SLC8A1: variants seen among roughly 807,000 people sequenced by gnomAD.
The protein encoded by SLC8A1 is solute carrier family 8 member A1, also known as sodium/calcium exchanger 1.
SLC8A1 carries 18 observed loss-of-function variants against 68.3 expected under a neutral mutation model. The ratio of observed to expected loss-of-function variants is 0.26; its 90% CI spans 0.18 to 0.39. The LOEUF is 0.39. SLC8A1 is among the 10% of genes least tolerant of loss of function. The pLI is 1.00. For synonymous variants in SLC8A1, 475 were observed against 415.5 expected, an observed-to-expected ratio of 1.14 and a Z score of -1.74; for missense variants, 985 against 1,156.7, an observed-to-expected ratio of 0.85 and a Z score of 2.15.
chr2:40,290,985 C>G (rs965352562), intron 2 of SLC8A1, among the ~76,000 whole-genome samples: 1 of 152,140 alleles, frequency 6.6e-6, no homozygotes, highest in African/African-American at 2.4e-5. Flanking sequence ...GGCAAACTTT[C>G]TAGACATAAA....
At chr2:40,391,650 C>T (rs1685304646) in intron 2 of SLC8A1, among the ~76,000 whole-genome samples, 1 of 152,030 alleles carries the variant, frequency 6.6e-6, no homozygotes. Flanking sequence ...AGAAGAGCCC[C>T]TGGAGCAATC....
At chr2:40,428,990 G>A (rs1291508046) in exon 2 of SLC8A1, 5 of 1,613,636 alleles carry the variant, frequency 3.1e-6, no homozygotes, top group Non-Finnish European at 4.2e-6. Context: ...CCACCTCTGC[G>A]GATAATGGTA....
intron 2 of SLC8A1, among the ~76,000 whole-genome samples, chr2:40,427,092 A>C (rs1697067035): frequency 6.6e-6 from 1 of 152,140 alleles, no homozygotes; most frequent in African/African-American, 2.4e-5. Context: ...ATATTAATCA[A>C]AACACTTTGC....
chr2:40,303,362 G>A (rs934539626), intron 2 of SLC8A1, among the ~76,000 whole-genome samples: 3 of 152,172 alleles, frequency 2.0e-5, no homozygotes, highest in Non-Finnish European at 4.4e-5. Flanking sequence ...GAGTTCTCAG[G>A]GGGCCAGCAC....
exon 8 of SLC8A1, chr2:40,106,239 A>G (rs1271338825): frequency 1.3e-5 from 2 of 152,202 alleles, no homozygotes; most frequent in East Asian, 3.9e-4. Context: ...GTGTCTAGGG[A>G]TTGAGTCAGA....
intron 2 of SLC8A1, among the ~76,000 whole-genome samples, chr2:40,274,964 C>T (rs1287024627): frequency 1.3e-5 from 2 of 152,146 alleles, no homozygotes; most frequent in Non-Finnish European, 2.9e-5. Context: ...CCATTTCCTA[C>T]CAGCAGTAGG....
intron 2 of SLC8A1, among the ~76,000 whole-genome samples, chr2:40,416,438 A>C (rs1462917589): frequency 1.3e-5 from 2 of 152,184 alleles, no homozygotes; most frequent in Non-Finnish European, 2.9e-5. Flanking sequence ...TTACTTTAAA[A>C]AGTAAGGCAT....
rs371893276 is a variant in SLC8A1 at position 40,486,485 on chromosome 2, T to A, written c.-25+25864A>T. On this transcript the variant is annotated intron_variant, in intron 1 of 7. Coordinates refer to the SLC8A1 transcript ENST00000402441. ...GTACCCTGAAACACAATTCTGCCAT[T>A]AGGCAATAAGATATATTCCTCTTTC... Among the ~76,000 whole-genome samples, 13 of 152,310 alleles carry A rather than the reference T, an allele frequency of 8.5e-5. No individual in the cohort carries two copies. In the East Asian group the frequency reaches 1.7e-3, roughly 20 times the overall value.
chr2:40,342,538 C>T (rs1268396159), intron 2 of SLC8A1, among the ~76,000 whole-genome samples: 3 of 152,004 alleles, frequency 2.0e-5, no homozygotes, highest in African/African-American at 4.8e-5. Flanking sequence ...TAGTTAGAAA[C>T]AAAGAGTTTC....
chr2:40,445,276 C>T (rs998763665), intron 1 of SLC8A1, among the ~76,000 whole-genome samples: 1 of 152,136 alleles, frequency 6.6e-6, no homozygotes, highest in African/African-American at 2.4e-5. Context: ...CTGCTGACCT[C>T]AGAGACCTTT....
At chr2:40,102,125 A>T (rs2033929157) in exon 8 of SLC8A1, 1 of 152,190 alleles carries the variant, frequency 6.6e-6, no homozygotes, top group Non-Finnish European at 1.5e-5. Flanking sequence ...TTAGGTTCAG[A>T]AGTTTAATCA....
chr2:40,253,956 G>T (rs1411131549), intron 2 of SLC8A1, among the ~76,000 whole-genome samples: 1 of 143,378 alleles, frequency 7.0e-6, no homozygotes, highest in African/African-American at 2.7e-5. Flanking sequence ...GTGTTTGATA[G>T]CACAACAGGG....
chr2:40,465,761 G>A (rs1005260040), intron 1 of SLC8A1, among the ~76,000 whole-genome samples: 1 of 152,088 alleles, frequency 6.6e-6, no homozygotes, highest in African/African-American at 2.4e-5. Context: ...GTCTGAATGT[G>A]TCCCCTAAAA....
intron 2 of SLC8A1, among the ~76,000 whole-genome samples, chr2:40,417,536 T>C (rs1694239911): frequency 6.6e-6 from 1 of 152,138 alleles, no homozygotes; most frequent in Non-Finnish European, 1.5e-5. Flanking sequence ...TGAGACAAGG[T>C]CTCGCTCTGT....
intron 2 of SLC8A1, among the ~76,000 whole-genome samples, chr2:40,233,309 T>A (rs940941931): frequency 1.1e-4 from 17 of 152,236 alleles, no homozygotes; most frequent in Non-Finnish European, 2.1e-4. Context: ...TGTGAGATGG[T>A]ATCTCATGGT....
At chr2:40,128,577 A>C (rs1397490931) in intron 7 of SLC8A1, among the ~76,000 whole-genome samples, 1 of 152,166 alleles carries the variant, frequency 6.6e-6, no homozygotes, top group Non-Finnish European at 1.5e-5. Flanking sequence ...GGTCACCGAC[A>C]TTTGGCATTT....
intron 2 of SLC8A1, among the ~76,000 whole-genome samples, chr2:40,200,192 T>TAAATATATATATAAA (rs2053920580): frequency 3.1e-4 from 3 of 9,616 alleles, no homozygotes; most frequent in Non-Finnish European, 8.5e-4. Context: ...ATATATATAT[T>TAAATATATATATAAA]TATATATATA....
intron 1 of SLC8A1, among the ~76,000 whole-genome samples, chr2:40,486,201 G>A (rs1704959843): frequency 6.6e-6 from 1 of 152,120 alleles, no homozygotes; most frequent in African/African-American, 2.4e-5. Context: ...CTTCTGCCAT[G>A]ATTGTAAATT....
chr2:40,439,403 G>A (rs1700068270), intron 1 of SLC8A1, among the ~76,000 whole-genome samples: 1 of 152,042 alleles, frequency 6.6e-6, no homozygotes, highest in African/African-American at 2.4e-5. Flanking sequence ...GGAAAGCTGT[G>A]CTCTTCAAAT....
Sources: allele counts gnomAD v4.1 joint callset (sites outside exome capture counted in the v4.1 genomes callset), GRCh38; gene constraint gnomAD v4.1.1; transcripts MANE v1.5; gene names NCBI Gene and HGNC (gene_info 2026-07-23, HGNC 2026-07-21).